Variants in NSMCE1 observed in about 807,000 individuals in gnomAD.
The protein encoded by NSMCE1 is non-structural maintenance of chromosomes element 1 homolog.
NSMCE1 carries 18 observed loss-of-function variants against 29.6 expected under a neutral mutation model. That is an observed-to-expected ratio of 0.61 (90% CI 0.42 to 0.90). The LOEUF is 0.90. Ranked by LOEUF, NSMCE1 falls within the 40% of genes least tolerant of loss-of-function variation. The pLI is 0.00. For synonymous variants in NSMCE1, 124 were observed against 133.4 expected (o/e 0.93, Z 0.49); for missense variants, 314 against 343.6 (o/e 0.91, Z 0.68).
At chr16:27,243,909 C>T (rs2083921732) in intron 2 of NSMCE1, among the ~76,000 whole-genome samples, 1 of 152,234 alleles carries the variant, frequency 6.6e-6, no homozygotes, top group African/African-American at 2.4e-5. Flanking sequence ...CCTCAGCCTC[C>T]CAAGTAGCTG....
chr16:27,239,789 A>C (rs2083870311), intron 2 of NSMCE1, among the ~76,000 whole-genome samples: 2 of 152,174 alleles, frequency 1.3e-5, no homozygotes, highest in South Asian at 4.1e-4. Context: ...AACATGTTTA[A>C]ATCAAGCAAG....
At chr16:27,251,191 A>ATATATATATAAAAAT (rs1555477411) in intron 2 of NSMCE1, among the ~76,000 whole-genome samples, 7 of 32,356 alleles carry the variant, frequency 2.2e-4, no homozygotes, top group Admixed American at 8.8e-4. Context: ...TATATATATA[A>ATATATATATAAAAAT]ATATATATAT....
chr16:27,259,369 G>C (rs1175363392), intron 1 of NSMCE1, among the ~76,000 whole-genome samples: 1 of 151,826 alleles, frequency 6.6e-6, no homozygotes, highest in Non-Finnish European at 1.5e-5. Flanking sequence ...CTATCACTAG[G>C]GCCATTCCAT....
chr16:27,263,643 TG>T (rs1439850958), intron 1 of NSMCE1, among the ~76,000 whole-genome samples: 1 of 152,184 alleles, frequency 6.6e-6, no homozygotes, highest in African/African-American at 2.4e-5. Flanking sequence ...CAAACCCCTA[TG>T]ACGTGAGTTT....
intron 2 of NSMCE1, among the ~76,000 whole-genome samples, chr16:27,245,518 G>T (rs1228801278): frequency 1.3e-5 from 2 of 152,230 alleles, no homozygotes; most frequent in Non-Finnish European, 2.9e-5. Context: ...GAGCAGTCCA[G>T]CCTGGACTCC....
At chr16:27,229,485 G>A (rs915437400) in intron 5 of NSMCE1, among the ~76,000 whole-genome samples, 3 of 152,232 alleles carry the variant, frequency 2.0e-5, no homozygotes, top group East Asian at 1.9e-4. Context: ...AAACACCCAC[G>A]GGAAGATGAA....
chr16:27,243,115 C>T (rs1280204339), intron 2 of NSMCE1, among the ~76,000 whole-genome samples: 3 of 152,246 alleles, frequency 2.0e-5, no homozygotes, highest in Non-Finnish European at 2.9e-5. Flanking sequence ...CTGCTCCAGC[C>T]GAGTGCCCGA....
At chr16:27,234,662 T>A (rs903140044) in intron 3 of NSMCE1, among the ~76,000 whole-genome samples, 1 of 152,216 alleles carries the variant, frequency 6.6e-6, no homozygotes, top group Non-Finnish European at 1.5e-5. Flanking sequence ...TTCCAGGGAA[T>A]TGAGTTTGGG....
intron 2 of NSMCE1, among the ~76,000 whole-genome samples, chr16:27,246,327 T>G (rs2083958483): frequency 6.6e-6 from 1 of 152,210 alleles, no homozygotes; most frequent in Non-Finnish European, 1.5e-5. Flanking sequence ...AATAGATAAT[T>G]TAAAACCTCA....
At chr16:27,246,177 A>T (rs1050245519) in intron 2 of NSMCE1, among the ~76,000 whole-genome samples, 8 of 152,236 alleles carry the variant, frequency 5.3e-5, no homozygotes, top group Non-Finnish European at 1.0e-4. Flanking sequence ...TGACTCACTC[A>T]TCTAGTTTTG....
intron 5 of NSMCE1, among the ~76,000 whole-genome samples, chr16:27,227,778 CTTT>C (rs1567271428): frequency 7.0e-6 from 1 of 142,860 alleles, no homozygotes; most frequent in African/African-American, 2.6e-5. Context: ...CGTTTCTTTT[CTTT>C]TCTTTTTTTT....
rs61518319 is a variant in NSMCE1 at position 27,251,189 on chromosome 16, T to TAA, written c.136+6244_136+6245dup. 2.4e-3 allele frequency among the ~76,000 whole-genome samples: 142 copies of TAA among 58,808 alleles called. 3 individuals carry two copies. The highest frequency in any genetic ancestry group is 4.4e-3 in the Admixed American group (25 of 5,632). 38.6% of individuals were successfully genotyped at this position (58,808 alleles called of 152,430 possible). On this transcript the variant is annotated intron_variant, in intron 2 of 7. Transcript: ENST00000361439. ...ATATATATATATATATATATATATA[T>TAA]AAATATATATATATATATAAAACTC...
At chr16:27,264,552 G>T (rs1346270499) in intron 1 of NSMCE1, among the ~76,000 whole-genome samples, 1 of 152,064 alleles carries the variant, frequency 6.6e-6, no homozygotes, top group African/African-American at 2.4e-5. Context: ...TCCAATAAAA[G>T]GTGCCAGGAA....
chr16:27,248,262 T>C (rs769417280), intron 2 of NSMCE1, among the ~76,000 whole-genome samples: 3 of 152,208 alleles, frequency 2.0e-5, no homozygotes, highest in Non-Finnish European at 4.4e-5. Flanking sequence ...TTTTCCTAAA[T>C]GGCTGTCCCA....
intron 4 of NSMCE1, 128 bp from the exon 5 acceptor site, chr16:27,233,275 G>T: frequency 1.4e-6 from 1 of 716,694 alleles, no homozygotes; most frequent in Non-Finnish European, 2.3e-6. Flanking sequence ...ACACTGGCAT[G>T]GTATTCCGGG....
intron 6 of NSMCE1, 178 bp from the exon 7 acceptor site, chr16:27,226,024 C>T: frequency 1.5e-6 from 1 of 678,924 alleles, no homozygotes; most frequent in Non-Finnish European, 2.4e-6. Context: ...TGTTTGCTTG[C>T]TGCTTGTTGC....
At chr16:27,241,162 G>A (rs1004426852) in intron 2 of NSMCE1, among the ~76,000 whole-genome samples, 2 of 152,196 alleles carry the variant, frequency 1.3e-5, no homozygotes, top group African/African-American at 4.8e-5. Flanking sequence ...GCTTCCCAGA[G>A]GCTACTGGAA....
intron 1 of NSMCE1, among the ~76,000 whole-genome samples, chr16:27,267,104 C>T (rs1360235595): frequency 6.6e-6 from 1 of 151,674 alleles, no homozygotes; most frequent in Non-Finnish European, 1.5e-5. Context: ...ACAGATAAAC[C>T]AATTAAAAAA....
chr16:27,235,539 A>G (rs2083812508), intron 2 of NSMCE1, among the ~76,000 whole-genome samples: 5 of 152,152 alleles, frequency 3.3e-5, no homozygotes, highest in Admixed American at 2.6e-4. Context: ...GGGAGATGCT[A>G]TCTGCAACCA....
Sources: allele counts gnomAD v4.1 joint callset (sites outside exome capture counted in the v4.1 genomes callset), GRCh38; gene constraint gnomAD v4.1.1; transcripts MANE v1.5; gene names NCBI Gene and HGNC (gene_info 2026-07-23, HGNC 2026-07-21).